Variants in N4BP2 observed in about 807,000 individuals in gnomAD.
N4BP2 encodes NEDD4-binding protein 2.
In N4BP2, 91 loss-of-function variants were observed where a neutral mutation model predicts 152.8. That is an observed-to-expected ratio of 0.60 (90% CI 0.50 to 0.71). N4BP2 has a LOEUF of 0.71. N4BP2 is among the 30% of genes least tolerant of loss of function. The probability of loss-of-function intolerance (pLI) is 0.00; values close to 1 mark genes in which losing one functional copy is unlikely to be tolerated. For missense variants in N4BP2, 1,923 were observed against 2,059.1 expected (o/e 0.93, Z 1.28); for synonymous variants, 646 against 705.3 (o/e 0.92, Z 1.33).
At chr4:40,152,693 T>G in intron 16 of N4BP2, 87 bp from the exon 17 acceptor site, 9 of 1,463,930 alleles carry the variant, frequency 6.1e-6, no homozygotes, top group Non-Finnish European at 8.5e-6. Context: ...GAAAACAATT[T>G]CATGTGCTTG....
chr4:40,169,579 A>G, the N4BP2 span, among the ~76,000 whole-genome samples: 24 of 151,580 alleles, frequency 1.6e-4, no homozygotes, highest in African/African-American at 5.8e-4. Flanking sequence ...AAAAAGGGAA[A>G]CTCGACATAA....
intron 3 of N4BP2, among the ~76,000 whole-genome samples, chr4:40,100,578 C>T (rs1715551132): frequency 6.6e-6 from 1 of 151,958 alleles, no homozygotes; most frequent in Admixed American, 6.6e-5. Flanking sequence ...TTCCATGTTG[C>T]CCAGGCTGGT....
chr4:40,147,337 C>T (rs751471993), intron 16 of N4BP2, among the ~76,000 whole-genome samples: 5 of 152,260 alleles, frequency 3.3e-5, no homozygotes, highest in African/African-American at 7.2e-5. Flanking sequence ...AGCGACCATC[C>T]GATTTCTCAA....
At position 40,059,063 on chromosome 4, in the gene N4BP2, C is replaced by G. The variant is rs150665854; in HGVS notation, c.-212+2033C>G. ...CTCAAACCCCTGAGCTCAAGCAATC[C>G]AACTGCCTCCGCCTCCCAAAGTGCT... On this transcript the variant is annotated intron_variant, in intron 1 of 17. Transcript: ENST00000261435. Among the ~76,000 whole-genome samples the G allele has an allele frequency of 4.2e-3, 647 of 152,262 alleles. 3 individuals carry two copies. Among genetic ancestry groups the G allele is most frequent in the African/African-American group, 0.015 (609 of 41,548 alleles).
intron 2 of N4BP2, among the ~76,000 whole-genome samples, chr4:40,077,141 ATATG>A (rs1712828971): frequency 6.7e-6 from 1 of 149,976 alleles, no homozygotes; most frequent in African/African-American, 2.4e-5. Flanking sequence ...TGTAGAATAT[ATATG>A]TGTGTGTGTG....
At position 40,155,737 on chromosome 4, in the gene N4BP2, G is replaced by A. The variant is rs1401121748; in HGVS notation, c.*1500G>A. 6.6e-6 allele frequency: 1 copy of A among 152,114 alleles called. No individual in the cohort carries two copies. Among genetic ancestry groups the A allele is most frequent in the Non-Finnish European group, 1.5e-5 (1 of 68,016 alleles). 9.4% of individuals were successfully genotyped at this position (152,114 alleles called of 1,614,324 possible). A position where few individuals can be genotyped will look rare whatever the true frequency, so the allele number is the denominator to read the frequency against. ...AAAAAAATTTGGATCAGAAATTATA[G>A]GATTGAGCTGGTACCAAAAGAATCC... On this transcript the variant is annotated 3_prime_UTR_variant, in exon 18 of 18. Coordinates refer to ENST00000261435, the MANE Select transcript of N4BP2 (RefSeq NM_018177.6).
At chr4:40,078,292 C>T (rs1175551324) in intron 2 of N4BP2, among the ~76,000 whole-genome samples, 1 of 151,954 alleles carries the variant, frequency 6.6e-6, no homozygotes, top group African/African-American at 2.4e-5. Flanking sequence ...CATGTGCCAC[C>T]ATGGCCGGCT....
At chr4:40,057,652 T>A (rs899283438) in intron 1 of N4BP2, among the ~76,000 whole-genome samples, 2 of 152,156 alleles carry the variant, frequency 1.3e-5, no homozygotes, top group Admixed American at 1.3e-4. Context: ...AATGGGACCC[T>A]TCTAGAGCCC....
At chr4:40,183,440 A>C in the N4BP2 span, among the ~76,000 whole-genome samples, 2 of 150,240 alleles carry the variant, frequency 1.3e-5, no homozygotes, top group Non-Finnish European at 1.5e-5. Flanking sequence ...GGTTTACGCC[A>C]TTCTCCTGCC....
chr4:40,169,963 CA>C, the N4BP2 span, among the ~76,000 whole-genome samples: 1,331 of 45,810 alleles, frequency 0.029, 8 homozygotes, highest in African/African-American at 0.067. Context: ...GACTCAATCT[CA>C]AAAAAAAAAA....
At chr4:40,103,846 C>A (rs1579032409) in intron 4 of N4BP2, among the ~76,000 whole-genome samples, 1 of 152,128 alleles carries the variant, frequency 6.6e-6, no homozygotes, top group Non-Finnish European at 1.5e-5. Context: ...TTAGAGGCAG[C>A]TTTGTAATGG....
At chr4:40,142,634 A>T (rs1474478763) in intron 14 of N4BP2, 39 bp from the exon 15 acceptor site, 13 of 1,466,352 alleles carry the variant, frequency 8.9e-6, no homozygotes, top group Admixed American at 2.1e-5. Flanking sequence ...TTTTTTTTTA[A>T]CTTTCTGTGT....
In N4BP2 at chr4:40,143,264, A is replaced by G. The variant is rs187536789; in HGVS notation, c.4974+403A>G. Among the ~76,000 whole-genome samples, 675 of 152,192 alleles carry G rather than the reference A, an allele frequency of 4.4e-3. 8 individuals are homozygous for G. Among genetic ancestry groups the G allele is most frequent in the Non-Finnish European group, 2.7e-3 (182 of 68,008 alleles). On this transcript the variant is annotated intron_variant, in intron 15 of 17. Transcript: ENST00000261435. ...AACATTAATTTTTTTTGGGAAGTAA[A>G]ATTTCTACCTGGGCTCATTTAACAT...
intron 13 of N4BP2, among the ~76,000 whole-genome samples, chr4:40,135,284 T>C (rs1719283257): frequency 6.6e-6 from 1 of 151,866 alleles, no homozygotes; most frequent in Non-Finnish European, 1.5e-5. Flanking sequence ...GAACTCATCA[T>C]TTTTGATGGC....
chr4:40,181,873 C>T, the N4BP2 span, among the ~76,000 whole-genome samples: 2 of 152,176 alleles, frequency 1.3e-5, no homozygotes, highest in Admixed American at 1.3e-4. Flanking sequence ...TGCTTGAACC[C>T]AGGTGGCGGA....
chr4:40,140,132 C>T (rs1355323737), intron 14 of N4BP2, among the ~76,000 whole-genome samples: 1 of 152,094 alleles, frequency 6.6e-6, no homozygotes, highest in East Asian at 1.9e-4. Context: ...ATCTTATCAT[C>T]CTGCAATCCT....
chr4:40,062,320 C>T (rs1733726189), intron 1 of N4BP2, among the ~76,000 whole-genome samples: 1 of 152,066 alleles, frequency 6.6e-6, no homozygotes, highest in South Asian at 2.1e-4. Context: ...CTTCGTGATC[C>T]TCCTCTCTTT....
chr4:40,112,658 C>G (rs1466792343), intron 6 of N4BP2, among the ~76,000 whole-genome samples: 1 of 151,538 alleles, frequency 6.6e-6, no homozygotes, highest in Non-Finnish European at 1.5e-5. Flanking sequence ...TTTACCTGAC[C>G]TATACCTAAT....
intron 16 of N4BP2, among the ~76,000 whole-genome samples, chr4:40,150,833 G>C (rs1019122115): frequency 9.9e-5 from 15 of 152,096 alleles, no homozygotes; most frequent in Admixed American, 9.8e-4. Context: ...ACAAATTACT[G>C]TAAAAACATA....
Sources: gnomAD v4.1 joint callset for allele counts (sites outside exome capture counted in the v4.1 genomes callset) on GRCh38, gnomAD v4.1.1 for gene constraint, MANE v1.5 for transcripts, NCBI Gene and HGNC (gene_info 2026-07-23, HGNC 2026-07-21) for gene names.